Variants in ADK observed in about 807,000 individuals in gnomAD.
The protein encoded by ADK is N6,N6-dimethyladenosine kinase.
Under a neutral mutation model 44.7 loss-of-function variants are expected in ADK, and 24 were observed. The ratio of observed to expected loss-of-function variants is 0.54; its 90% CI spans 0.39 to 0.76. The LOEUF (loss-of-function observed/expected upper bound fraction) is 0.76. Ranked by LOEUF, ADK falls within the 30% of genes least tolerant of loss-of-function variation. The pLI is 0.00. For missense variants in ADK, 321 were observed against 425.1 expected (o/e 0.76, Z 2.15); for synonymous variants, 128 against 142.6 (o/e 0.90, Z 0.73).
At chr10:74,500,361 A>G (rs1847847887) in intron 6 of ADK, among the ~76,000 whole-genome samples, 1 of 152,122 alleles carries the variant, frequency 6.6e-6, no homozygotes, top group South Asian at 2.1e-4. Flanking sequence ...ATTTTCCTGG[A>G]TGGATAAAAA....
At chr10:74,644,066 T>A (rs1033726380) in intron 9 of ADK, among the ~76,000 whole-genome samples, 39 of 152,226 alleles carry the variant, frequency 2.6e-4, no homozygotes, top group Non-Finnish European at 5.0e-4. Flanking sequence ...ACAGATTTTT[T>A]AAAAATATGT....
intron 3 of ADK, among the ~76,000 whole-genome samples, chr10:74,286,185 T>C (rs1331453888): frequency 6.6e-6 from 1 of 152,180 alleles, no homozygotes; most frequent in African/African-American, 2.4e-5. Flanking sequence ...CCCAAGCAGC[T>C]AGGACTACAA....
chr10:74,691,597 G>A (rs777012243), intron 10 of ADK, among the ~76,000 whole-genome samples: 4 of 152,182 alleles, frequency 2.6e-5, no homozygotes, highest in African/African-American at 9.7e-5. Context: ...CAGTCCTTAA[G>A]GATCTGAGCC....
At chr10:74,653,004 G>A (rs1473479391) in intron 9 of ADK, among the ~76,000 whole-genome samples, 6 of 152,096 alleles carry the variant, frequency 3.9e-5, no homozygotes, top group Non-Finnish European at 5.9e-5. Flanking sequence ...GCTTCTACCC[G>A]TCACTATTAT....
At chr10:74,407,303 A>G (rs1364882255) in intron 6 of ADK, among the ~76,000 whole-genome samples, 1 of 152,108 alleles carries the variant, frequency 6.6e-6, no homozygotes, top group African/African-American at 2.4e-5. Context: ...TTCATCTACA[A>G]TGTTTAATCT....
At chr10:74,169,491 G>A (rs1446078143) in intron 1 of ADK, among the ~76,000 whole-genome samples, 2 of 152,208 alleles carry the variant, frequency 1.3e-5, no homozygotes, top group African/African-American at 4.8e-5. Flanking sequence ...CTGTGTGGGT[G>A]TGCCTGGGAG....
intron 6 of ADK, 93 bp from the exon 7 acceptor site, chr10:74,525,163 T>C (rs1589216355): frequency 8.1e-7 from 1 of 1,228,628 alleles, no homozygotes; most frequent in Non-Finnish European, 1.2e-6. Flanking sequence ...GTATTTTATA[T>C]ACTTTTGTAT....
intron 6 of ADK, among the ~76,000 whole-genome samples, chr10:74,456,814 T>G (rs541693676): frequency 9.9e-5 from 15 of 152,200 alleles, no homozygotes; most frequent in Non-Finnish European, 1.8e-4. Context: ...CAGAATCTCT[T>G]GGACACAGCT....
chr10:74,414,932 A>G lies in ADK; in HGVS notation c.555+16353A>G, dbSNP rs555057883. Among the ~76,000 whole-genome samples the G allele has an allele frequency of 8.5e-4, 130 of 152,350 alleles. 1 individual carries two copies. The South Asian group carries it at 0.011, about 13-fold the overall frequency. On this transcript the variant is annotated intron_variant, in intron 6 of 10. Transcript: ENST00000539909. The stretch of plus-strand genomic sequence containing the variant: ...CTTATTTTTGGCAGCTACCAAAAGT[A>G]AAACTCTCTACCAAGACAGAGAAGA...
chr10:74,516,631 A>T (rs1848594865), intron 6 of ADK: 1 of 151,810 alleles, frequency 6.6e-6, no homozygotes, highest in Non-Finnish European at 1.5e-5. Flanking sequence ...TCAAGCGACC[A>T]AGTAGCCTCA....
At chr10:74,181,244 T>G (rs10740421) in intron 1 of ADK, among the ~76,000 whole-genome samples, 19,865 of 151,610 alleles carry the variant, frequency 0.13, 1,304 homozygotes, top group Middle Eastern at 0.21. Flanking sequence ...GATTTTTTTT[T>G]GGGGGGGGTC....
intron 3 of ADK, among the ~76,000 whole-genome samples, chr10:74,296,620 C>CT (rs1177747975): frequency 2.0e-3 from 220 of 107,344 alleles, no homozygotes; most frequent in Non-Finnish European, 2.6e-3. Flanking sequence ...TTTTTTTTTT[C>CT]TTTTTTTTTG....
intron 3 of ADK, among the ~76,000 whole-genome samples, chr10:74,256,174 G>A (rs1043442811): frequency 1.3e-5 from 2 of 152,200 alleles, no homozygotes; most frequent in Non-Finnish European, 2.9e-5. Flanking sequence ...TATTAGTTTT[G>A]TCTCCCTTGG....
chr10:74,633,163 G>A (rs1853500156), intron 9 of ADK, among the ~76,000 whole-genome samples: 1 of 152,114 alleles, frequency 6.6e-6, no homozygotes, highest in African/African-American at 2.4e-5. Flanking sequence ...TATTCACACA[G>A]TATGAAATTC....
chr10:74,352,711 T>G (rs537117773), intron 4 of ADK, among the ~76,000 whole-genome samples: 1 of 152,308 alleles, frequency 6.6e-6, no homozygotes, highest in East Asian at 1.9e-4. Flanking sequence ...CTACAGGAAC[T>G]TAAACAAATT....
At chr10:74,648,887 A>G (rs1267768301) in intron 9 of ADK, among the ~76,000 whole-genome samples, 1 of 152,074 alleles carries the variant, frequency 6.6e-6, no homozygotes, top group Non-Finnish European at 1.5e-5. Context: ...ACCACTAAGA[A>G]AATAAGAAAT....
chr10:74,442,124 T>TA (rs1290276352), intron 6 of ADK, among the ~76,000 whole-genome samples: 1 of 151,358 alleles, frequency 6.6e-6, no homozygotes, highest in Non-Finnish European at 1.5e-5. Flanking sequence ...CCTATCTCTT[T>TA]AAAAAAAGAA....
At chr10:74,616,831 A>G (rs940383512) in intron 9 of ADK, among the ~76,000 whole-genome samples, 5 of 152,004 alleles carry the variant, frequency 3.3e-5, no homozygotes, top group Admixed American at 3.3e-4. Flanking sequence ...ATTTCTTTAC[A>G]GTATTTTGTC....
At chr10:74,533,302 A>G (rs908449430) in intron 7 of ADK, among the ~76,000 whole-genome samples, 1 of 152,198 alleles carries the variant, frequency 6.6e-6, no homozygotes, top group African/African-American at 2.4e-5. Flanking sequence ...TCTAATATTT[A>G]TATGGAAAAG....
Sources: gnomAD v4.1 joint callset for allele counts (sites outside exome capture counted in the v4.1 genomes callset) on GRCh38, gnomAD v4.1.1 for gene constraint, MANE v1.5 for transcripts, NCBI Gene and HGNC (gene_info 2026-07-23, HGNC 2026-07-21) for gene names.